Variants in AGBL1 observed in about 807,000 individuals in gnomAD.
AGBL1 encodes the protein cytosolic carboxypeptidase 4.
Under a neutral mutation model 118.9 loss-of-function variants are expected in AGBL1, and 130 were observed. That is an observed-to-expected ratio of 1.09 (90% CI 0.95 to 1.26). The LOEUF is 1.26. AGBL1 is among the 50% of genes most tolerant of loss of function. The pLI is 0.00. For synonymous variants in AGBL1, 555 were observed against 478.9 expected, an observed-to-expected ratio of 1.16 and a Z score of -2.08; for missense variants, 1,584 against 1,298.1, an observed-to-expected ratio of 1.22 and a Z score of -3.38.
In AGBL1 at chr15:86,593,062, C is replaced by T. The variant is rs75091596; in HGVS notation, c.2994+38525C>T. ...TCTCTCTTGCTCTCTCTCTGCAGTA[C>T]GGATTCATGGATTCATCAATGGGTT... On this transcript the variant is annotated intron_variant, in intron 21 of 22. Coordinates refer to ENST00000614907, the MANE Select transcript of AGBL1 (RefSeq NM_001386094.1). 8.5e-3 allele frequency among the ~76,000 whole-genome samples: 1,292 copies of T among 152,236 alleles called. 12 individuals are homozygous for T. The highest frequency in any genetic ancestry group is 0.013 in the Non-Finnish European group (895 of 68,020).
intron 21 of AGBL1, among the ~76,000 whole-genome samples, chr15:86,632,920 T>G (rs184190286): frequency 3.0e-4 from 45 of 152,320 alleles, no homozygotes; most frequent in African/African-American, 9.9e-4. Context: ...TTGATTCACT[T>G]GCATAGTTCA....
At chr15:86,450,375 C>T (rs2082178407) in intron 18 of AGBL1, among the ~76,000 whole-genome samples, 1 of 152,180 alleles carries the variant, frequency 6.6e-6, no homozygotes, top group Non-Finnish European at 1.5e-5. Context: ...TTTTATAAGG[C>T]TCCCTGGCTG....
chr15:86,248,357 G>T (rs2078755539), intron 7 of AGBL1, among the ~76,000 whole-genome samples: 1 of 152,112 alleles, frequency 6.6e-6, no homozygotes, highest in Non-Finnish European at 1.5e-5. Flanking sequence ...TCATTCCATT[G>T]GTTCATTCAT....
chr15:86,930,466 A>G (rs2080592005), intron 23 of AGBL1, among the ~76,000 whole-genome samples: 1 of 152,150 alleles, frequency 6.6e-6, no homozygotes, highest in African/African-American at 2.4e-5. Context: ...AGATCTGTTT[A>G]TTCTGTAATT....
Position 86,371,311 on chromosome 15 carries a change from A to G in AGBL1, c.2375-26055A>G, listed in dbSNP as rs79996421. 4.0e-4 allele frequency among the ~76,000 whole-genome samples: 61 copies of G among 152,340 alleles called. 2 individuals are homozygous for G. The East Asian group carries it at 9.6e-3, about 24-fold the overall frequency. ...AATGGCGGTCATTGGGGCCTGGAGCAAAGTCAGTTTGAAGGAAATGGTGGA... is the reference window on the plus strand; with the variant it reads ...AATGGCGGTCATTGGGGCCTGGAGCGAAGTCAGTTTGAAGGAAATGGTGGA... On this transcript the variant is annotated intron_variant, in intron 17 of 22. Transcript: ENST00000614907.
intron 22 of AGBL1, among the ~76,000 whole-genome samples, chr15:86,837,476 T>A (rs969316996): frequency 5.9e-5 from 9 of 152,190 alleles, no homozygotes; most frequent in African/African-American, 1.9e-4. Flanking sequence ...AGCCTTTTGT[T>A]TACATATTTT....
At chr15:86,295,148 A>C in intron 16 of AGBL1, 107 bp from the exon 17 acceptor site, 1 of 1,337,894 alleles carries the variant, frequency 7.5e-7, no homozygotes. Context: ...AGGACAGATT[A>C]GATTAACAAC....
intron 5 of AGBL1, among the ~76,000 whole-genome samples, chr15:86,203,142 A>G (rs1463196756): frequency 6.6e-6 from 1 of 152,162 alleles, no homozygotes; most frequent in African/African-American, 2.4e-5. Context: ...GATGCTAATC[A>G]CCATAAAAGT....
At chr15:86,140,175 A>G (rs1352651271) in intron 1 of AGBL1, 2 of 153,674 alleles carry the variant, frequency 1.3e-5, no homozygotes, top group African/African-American at 2.4e-5. Context: ...ACCCGCCCAC[A>G]GGTGTTAATC....
intron 19 of AGBL1, among the ~76,000 whole-genome samples, chr15:86,532,776 G>A (rs1242969463): frequency 7.1e-6 from 1 of 140,362 alleles, no homozygotes; most frequent in Non-Finnish European, 1.5e-5. Flanking sequence ...TAGATCAATG[G>A]AACAGAACAG....
chr15:86,438,789 A>G (rs1460699166), intron 18 of AGBL1, among the ~76,000 whole-genome samples: 1 of 151,404 alleles, frequency 6.6e-6, no homozygotes, highest in Non-Finnish European at 1.5e-5. Flanking sequence ...AGCCTCCCAG[A>G]TAGCTGGGAT....
chr15:86,851,706 G>C (rs1459895734), intron 22 of AGBL1, among the ~76,000 whole-genome samples: 2 of 152,180 alleles, frequency 1.3e-5, no homozygotes, highest in African/African-American at 2.4e-5. Flanking sequence ...GCAGTAGCAG[G>C]AAAGAAAGGC....
At chr15:86,164,492 G>A (rs766148504) in intron 5 of AGBL1, among the ~76,000 whole-genome samples, 8 of 152,168 alleles carry the variant, frequency 5.3e-5, no homozygotes, top group Non-Finnish European at 8.8e-5. Flanking sequence ...ACTTTCTGCG[G>A]GAGGCTGTCC....
chr15:86,339,234 C>T (rs981953606), intron 17 of AGBL1, among the ~76,000 whole-genome samples: 4 of 152,124 alleles, frequency 2.6e-5, no homozygotes, highest in Admixed American at 6.5e-5. Context: ...GTTTTTTCCC[C>T]GATAGGTAAG....
At chr15:86,687,696 G>A (rs1384153272) in intron 22 of AGBL1, among the ~76,000 whole-genome samples, 2 of 152,154 alleles carry the variant, frequency 1.3e-5, no homozygotes, top group Non-Finnish European at 2.9e-5. Context: ...GGAGTAGATT[G>A]ATGGGAATTC....
At chr15:86,508,272 G>A (rs1243263911) in intron 18 of AGBL1, among the ~76,000 whole-genome samples, 3 of 151,868 alleles carry the variant, frequency 2.0e-5, no homozygotes, top group African/African-American at 7.3e-5. Context: ...TGATTCAGCT[G>A]AACAATACCA....
chr15:86,199,569 T>A (rs2077870846), intron 5 of AGBL1, among the ~76,000 whole-genome samples: 1 of 152,218 alleles, frequency 6.6e-6, no homozygotes, highest in Non-Finnish European at 1.5e-5. Flanking sequence ...TCCCATTCTT[T>A]AGGGGACCAA....
chr15:86,350,971 A>T (rs974834186), intron 17 of AGBL1, among the ~76,000 whole-genome samples: 10 of 152,230 alleles, frequency 6.6e-5, no homozygotes, highest in African/African-American at 2.4e-4. Flanking sequence ...ACCCAAGAGA[A>T]TACTTTTTGT....
intron 21 of AGBL1, among the ~76,000 whole-genome samples, chr15:86,626,434 A>T (rs1371603221): frequency 6.6e-6 from 1 of 152,202 alleles, no homozygotes; most frequent in East Asian, 1.9e-4. Flanking sequence ...GCACGTTCTC[A>T]CTTTAAGTAA....
Sources: allele counts gnomAD v4.1 joint callset (sites outside exome capture counted in the v4.1 genomes callset), GRCh38; gene constraint gnomAD v4.1.1; transcripts MANE v1.5; gene names NCBI Gene and HGNC (gene_info 2026-07-23, HGNC 2026-07-21).